The following PDIA6 variants were observed in gnomAD, a reference collection of about 807,000 sequenced individuals.
PDIA6 encodes the protein protein disulfide isomerase family A member 6.
A neutral mutation model predicts 58.4 loss-of-function variants in PDIA6; 29 were observed. The observed-to-expected ratio is 0.50, with a 90% CI of 0.37 to 0.68. The LOEUF is 0.68. PDIA6 is among the 30% of genes least tolerant of loss of function. The pLI is 0.00. For missense variants in PDIA6, 480 were observed against 551.0 expected (o/e 0.87, Z 1.29); for synonymous variants, 192 against 202.6 (o/e 0.95, Z 0.44).
upstream of PDIA6, among the ~76,000 whole-genome samples, chr2:10,813,366 A>C (rs1379996014): frequency 6.6e-6 from 1 of 151,984 alleles, no homozygotes; most frequent in Admixed American, 6.5e-5. Context: ...TCTCTGGAGA[A>C]CCCCAGGGAC....
Position 10,784,269 on chromosome 2 carries a change from C to G in PDIA6, c.1312G>C (p.Asp438His). The G allele has an allele frequency of 6.2e-7, 1 of 1,612,950 alleles. No individual in the cohort carries two copies. The highest frequency in any genetic ancestry group is 1.1e-5 in the South Asian group (1 of 90,852). ...CTCTGTTGTGGCTCTCACAACTCAT[C>G]TTTCCCTAAGTCATCAAGCTCCACA... ...SDVELDDLGK[D>H]EL The change falls in exon 13 of 13, where the codon GAT becomes CAT. Residue 438 changes from aspartate (D) to histidine (H), a missense_variant. Asp to His is a moderately conservative substitution (Grantham distance 81). Coordinates refer to ENST00000272227, the MANE Select transcript of PDIA6 (RefSeq NM_005742.4).
rs773496197 is a variant in PDIA6 at position 10,788,769 on chromosome 2, C to A, written c.926G>T (p.Gly309Val). 6.2e-7 allele frequency: 1 copy of A among 1,611,086 alleles called. No homozygotes were observed. The highest frequency in any genetic ancestry group is 8.5e-7 in the Non-Finnish European group (1 of 1,177,252). ...CAGATAAGAATTTCTGCCTGCAGCT[C>A]CTGATTTAAATAGACAAAGTTTTTT... ...VAVLPHILDT[G>V]AAGRNSYLEV... Residue 309 changes from glycine to valine, a missense_variant and splice_region_variant, in exon 10 of 13, where the codon GGA becomes GTA. Coordinates refer to ENST00000272227, the MANE Select transcript of PDIA6 (RefSeq NM_005742.4).
At position 10,784,260 on chromosome 2, in the gene PDIA6, A is replaced by T. The variant is rs1359124387; in HGVS notation, c.1321T>A (p.Ter441ArgextTer30). 9 of 1,611,952 alleles carry T rather than the reference A, an allele frequency of 5.6e-6. No individual in the cohort carries two copies. The highest frequency in any genetic ancestry group is 5.9e-6 in the Non-Finnish European group (7 of 1,179,100). ...GTCTGAAGCCTCTGTTGTGGCTCTCACAACTCATCTTTCCCTAAGTCATCA... is the reference window on the plus strand; with the variant it reads ...GTCTGAAGCCTCTGTTGTGGCTCTCTCAACTCATCTTTCCCTAAGTCATCA... The part of the protein sequence containing the change: ...ELDDLGKDEL[*>R] Residue 441 changes from the stop codon to arginine, a stop_lost, in exon 13 of 13, where the codon TGA (stop) becomes AGA (arginine). Coordinates refer to ENST00000272227, the MANE Select transcript of PDIA6 (RefSeq NM_005742.4).
intron 4 of PDIA6, among the ~76,000 whole-genome samples, chr2:10,796,111 G>T (rs977370910): frequency 2.0e-5 from 3 of 150,086 alleles, no homozygotes; most frequent in Non-Finnish European, 2.9e-5. Context: ...GCCTAGGCTG[G>T]AGTACAATCT....
intron 5 of PDIA6, among the ~76,000 whole-genome samples, 192 bp downstream of exon 5, chr2:10,792,904 C>A (rs748205000): frequency 1.2e-4 from 18 of 152,180 alleles, no homozygotes; most frequent in Non-Finnish European, 1.8e-4. Context: ...TTGGCAACAG[C>A]AATTCTGAGG....
chr2:10,828,461 G>A (rs934746633), intron 1 of PDIA6, among the ~76,000 whole-genome samples: 2 of 152,162 alleles, frequency 1.3e-5, no homozygotes, highest in African/African-American at 4.8e-5. Context: ...TAGGGTGTGT[G>A]CCCCCTCCAC....
In PDIA6 at chr2:10,791,781, T is replaced by G; in HGVS notation, c.584+14A>C. On this transcript the variant is annotated intron_variant, in intron 6 of 12. Transcript: ENST00000272227. ...CACTGTGAATGAACAGACTACTTAG[T>G]AGAAGGCACTTACTTTTTGCAGTGT... is the stretch of plus-strand genomic sequence containing the variant. 6.2e-7 allele frequency: 1 copy of G among 1,611,102 alleles called. No homozygotes were observed. Among genetic ancestry groups the G allele is most frequent in the Non-Finnish European group, 8.5e-7 (1 of 1,178,840 alleles).
At chr2:10,834,749 T>C (rs565303457), upstream of PDIA6, among the ~76,000 whole-genome samples, 935 of 99,394 alleles carry the variant, frequency 9.4e-3, 43 homozygotes, top group East Asian at 0.032. Flanking sequence ...CTTCCTTCCT[T>C]CCTTCCTTCC....
chr2:10,803,911 G>GTTTTTTTTTTTTTTTTTTTTTTTTTT (rs754643092), intron 1 of PDIA6, among the ~76,000 whole-genome samples: 1 of 117,892 alleles, frequency 8.5e-6, no homozygotes, highest in Middle Eastern at 4.9e-3. Flanking sequence ...TAGTTTTTGT[G>GTTTTTTTTTTTTTTTTTTTTTTTTTT]TTTTTTTTTT....
chr2:10,812,956 T>G (rs1465678019), upstream of PDIA6: 2 of 585,976 alleles, frequency 3.4e-6, no homozygotes, highest in Non-Finnish European at 2.3e-6. Context: ...ACGGGGGCGG[T>G]GGCGAGCAGC....
intron 2 of PDIA6, among the ~76,000 whole-genome samples, chr2:10,800,546 A>G (rs114165112): frequency 0.028 from 4,287 of 150,932 alleles, 78 homozygotes; most frequent in Non-Finnish European, 0.041. Context: ...TTGCGATTCT[A>G]TAAGCTTTAT....
At chr2:10,801,966 G>C (rs1159928735) in intron 2 of PDIA6, among the ~76,000 whole-genome samples, 1 of 152,208 alleles carries the variant, frequency 6.6e-6, no homozygotes, top group Admixed American at 6.5e-5. Flanking sequence ...TTACAGCAGA[G>C]ACAGCCTCAT....
chr2:10,816,060 T>A (rs1667182028), upstream of PDIA6, among the ~76,000 whole-genome samples: 1 of 146,690 alleles, frequency 6.8e-6, no homozygotes, highest in Non-Finnish European at 1.5e-5. Context: ...GTACTTCATA[T>A]AAGAGAAATC....
chr2:10,833,775 A>G (rs1006162213), upstream of PDIA6, among the ~76,000 whole-genome samples: 1 of 152,230 alleles, frequency 6.6e-6, no homozygotes, highest in African/African-American at 2.4e-5. Flanking sequence ...GTGGATGTGG[A>G]CATCGAGCCT....
chr2:10,828,415 G>A (rs546447515), intron 1 of PDIA6, among the ~76,000 whole-genome samples: 2 of 152,262 alleles, frequency 1.3e-5, no homozygotes, highest in East Asian at 1.9e-4. Context: ...GCAGAGTGTC[G>A]AGGCCATGGG....
At chr2:10,803,974 T>C (rs1219964453) in intron 1 of PDIA6, among the ~76,000 whole-genome samples, 4 of 149,756 alleles carry the variant, frequency 2.7e-5, no homozygotes, top group Non-Finnish European at 5.9e-5. Context: ...ATTGGCGCTA[T>C]CTCGGCTCAC....
upstream of PDIA6, chr2:10,815,355 G>C (rs1325538375): frequency 6.6e-6 from 1 of 152,274 alleles, no homozygotes; most frequent in African/African-American, 2.4e-5. Flanking sequence ...GTTACACTGC[G>C]GTATTCCTCA....
upstream of PDIA6, among the ~76,000 whole-genome samples, chr2:10,816,047 T>C (rs1397607140): frequency 6.6e-6 from 1 of 151,090 alleles, no homozygotes; most frequent in African/African-American, 2.4e-5. Context: ...TTGGCTAATA[T>C]AGGTACTTCA....
At chr2:10,810,488 C>A in intron 1 of PDIA6, 1 of 1,301,792 alleles carries the variant, frequency 7.7e-7, no homozygotes, top group Non-Finnish European at 9.8e-7. Context: ...TATAAAGACG[C>A]TCTTTACTGA....
Sources: allele counts gnomAD v4.1 joint callset (sites outside exome capture counted in the v4.1 genomes callset), GRCh38; gene constraint gnomAD v4.1.1; transcripts MANE v1.5; gene names NCBI Gene and HGNC (gene_info 2026-07-23, HGNC 2026-07-21).